Variants in GOLGA8A observed in about 807,000 individuals in gnomAD.
GOLGA8A encodes the protein golgin subfamily A member 8A.
GOLGA8A carries 3 observed loss-of-function variants against 22.1 expected under a neutral mutation model. The observed-to-expected ratio is 0.14, with a 90% confidence interval of 0.06 to 0.35. The LOEUF is 0.35. Among genes scored for constraint, GOLGA8A ranks in the 10% least tolerant of loss-of-function variants. The probability of loss-of-function intolerance (pLI) is 1.00; values close to 1 mark genes in which losing one functional copy is unlikely to be tolerated. For synonymous variants in GOLGA8A, 7 were observed against 91.7 expected (o/e 0.08, Z 5.28); for missense variants, 16 against 233.2 (o/e 0.07, Z 6.07).
intron 2 of GOLGA8A, among the ~76,000 whole-genome samples, chr15:34,432,059 C>T (rs149881622): frequency 0.039 from 5,839 of 149,182 alleles, 570 homozygotes; most frequent in Non-Finnish European, 0.058. Context: ...CACGACCAAA[C>T]GTCTCTCTGC....
At chr15:34,431,232 A>C (rs2140290290) in intron 2 of GOLGA8A, among the ~76,000 whole-genome samples, 1 of 144,610 alleles carries the variant, frequency 6.9e-6, no homozygotes, top group Non-Finnish European at 1.5e-5. Context: ...ATTCATATTT[A>C]GAGCTGCCTT....
Position 34,436,706 on chromosome 15 carries a change from C to T in GOLGA8A, c.-1212+692G>A, listed in dbSNP as rs1470284485. 2.0e-5 allele frequency among the ~76,000 whole-genome samples: 3 copies of T among 149,492 alleles called. 1 individual carries two copies. Among genetic ancestry groups the T allele is most frequent in the Non-Finnish European group, 3.0e-5 (2 of 67,178 alleles). ...GGAGCCCTGCTTGGGGACCGGGGGC[C>T]TCGATGTTCTCCTTCACCATCTGCG... On this transcript the variant is annotated intron_variant, in intron 1 of 24. Coordinates refer to ENST00000359187, the MANE Select transcript of GOLGA8A (RefSeq NM_181077.5).
At chr15:34,430,517 G>T (rs1470546194) in intron 2 of GOLGA8A, among the ~76,000 whole-genome samples, 1 of 149,054 alleles carries the variant, frequency 6.7e-6, no homozygotes, top group African/African-American at 2.5e-5. Flanking sequence ...GAATCTAGCA[G>T]TCAGGCCAGG....
intron 7 of GOLGA8A, among the ~76,000 whole-genome samples, 163 bp from the exon 8 acceptor site, chr15:34,398,892 AAAC>A (rs1297773135): frequency 1.6e-5 from 2 of 124,076 alleles, no homozygotes; most frequent in Non-Finnish European, 3.7e-5. Context: ...ATCTCACCAA[AAAC>A]AACAAACGGA....
chr15:34,398,444 C>CG (rs1891945505), intron 8 of GOLGA8A, among the ~76,000 whole-genome samples, 190 bp downstream of exon 8: 2 of 127,982 alleles, frequency 1.6e-5, no homozygotes, highest in African/African-American at 3.3e-5. Context: ...GGCACAGAGG[C>CG]GGGAAAAAAG....
rs564826703 is a variant in GOLGA8A, at chr15:34,422,698, C to T, written c.-1123+12685G>A. On this transcript the variant is annotated intron_variant, in intron 2 of 24. Coordinates refer to ENST00000359187, the MANE Select transcript of GOLGA8A (RefSeq NM_181077.5). ...CCTGCTACTTGGCCTTGTGTACGCTCGCGCTCGTGCGCTTGTGCGCTCTCT... is the reference window on the plus strand; with the variant it reads ...CCTGCTACTTGGCCTTGTGTACGCTTGCGCTCGTGCGCTTGTGCGCTCTCT... 5.8e-4 allele frequency among the ~76,000 whole-genome samples: 51 copies of T among 87,738 alleles called. 9 individuals are homozygous for T. The East Asian group carries it at 0.014, about 24-fold the overall frequency. 57.6% of individuals were successfully genotyped at this position (87,738 alleles called of 152,430 possible). A position where few individuals can be genotyped will look rare whatever the true frequency, so the allele number is the denominator to read the frequency against.
Position 34,386,560 on chromosome 15 carries a change from C to T in GOLGA8A, c.285+65G>A. 3 of 1,381,710 alleles carry T rather than the reference C, an allele frequency of 2.2e-6. 1 individual carries two copies. Among genetic ancestry groups the T allele is most frequent in the South Asian group, 2.5e-5 (2 of 79,154 alleles). 85.6% of individuals were successfully genotyped at this position (1,381,710 alleles called of 1,614,324 possible). On this transcript the variant is annotated intron_variant, in intron 12 of 24. Transcript: ENST00000359187. ...GGGCCCCCAGCCCCCTTCTTCAGGG[C>T]CCCAAGAGGAAACCGGAGCCCAGGA...
At chr15:34,409,453 AGTGCTGTGGGAGAACGTGGTTGGAG>A (rs1262631763) in intron 2 of GOLGA8A, among the ~76,000 whole-genome samples, 11 of 139,674 alleles carry the variant, frequency 7.9e-5, no homozygotes, top group Non-Finnish European at 1.5e-4. Flanking sequence ...CATTTTTCAC[AGTGCTGTGGGAGAACGTGGTTGGAG>A]GTGCTGTGGC....
chr15:34,431,629 T>C (rs1279942487), intron 2 of GOLGA8A, among the ~76,000 whole-genome samples: 2 of 147,954 alleles, frequency 1.4e-5, no homozygotes, highest in African/African-American at 5.0e-5. Context: ...CGTTAAAATA[T>C]GCTATAAAAG....
intron 12 of GOLGA8A, among the ~76,000 whole-genome samples, chr15:34,386,104 G>C (rs1372973119): frequency 6.8e-6 from 1 of 147,502 alleles, no homozygotes; most frequent in Non-Finnish European, 1.5e-5. Context: ...CATTTACTGA[G>C]CACGTACGGG....
At chr15:34,428,126 C>T (rs1893064253) in intron 2 of GOLGA8A, among the ~76,000 whole-genome samples, 1 of 144,958 alleles carries the variant, frequency 6.9e-6, no homozygotes, top group Non-Finnish European at 1.5e-5. Flanking sequence ...GAGAAGTTCT[C>T]ACTCTGTCAC....
intron 2 of GOLGA8A, among the ~76,000 whole-genome samples, chr15:34,431,863 A>T (rs1369055736): frequency 1.3e-5 from 2 of 149,038 alleles, no homozygotes; most frequent in East Asian, 2.0e-4. Flanking sequence ...AGGCAATAGG[A>T]ATTTTTGAGC....
intron 2 of GOLGA8A, among the ~76,000 whole-genome samples, chr15:34,431,383 ATATATATG>A (rs1257610477): frequency 7.1e-5 from 10 of 141,058 alleles, no homozygotes; most frequent in Non-Finnish European, 1.5e-4. Context: ...AACGACAGGC[ATATATATG>A]TATATATATA....
intron 2 of GOLGA8A, among the ~76,000 whole-genome samples, chr15:34,425,253 T>A (rs1366235031): frequency 2.0e-5 from 3 of 147,590 alleles, no homozygotes; most frequent in Non-Finnish European, 4.5e-5. Flanking sequence ...GGCACAACAA[T>A]AAAGCAGTAA....
intron 1 of GOLGA8A, 139 bp downstream of exon 1, chr15:34,437,259 G>A (rs1184377057): frequency 6.8e-6 from 1 of 146,048 alleles, no homozygotes; most frequent in African/African-American, 2.5e-5. Context: ...CAGCCCCGCC[G>A]AGTCCGGGGG....
intron 8 of GOLGA8A, among the ~76,000 whole-genome samples, chr15:34,393,458 AT>A (rs1411888572): frequency 8.0e-6 from 1 of 125,648 alleles, no homozygotes; most frequent in African/African-American, 2.9e-5. Context: ...TCTGTCCAGG[AT>A]TTTTCTCTGA....
Position 34,436,178 on chromosome 15 carries a change from G to T in GOLGA8A, c.-1211-707C>A, listed in dbSNP as rs75766953. On this transcript the variant is annotated intron_variant, in intron 1 of 24. Coordinates refer to ENST00000359187, the MANE Select transcript of GOLGA8A (RefSeq NM_181077.5). ...CCCAGAGGCCTGAGAAAAAGCCACC[G>T]GCAGGCTCCTGGCACCTGCCAACCT... 4.4e-3 allele frequency among the ~76,000 whole-genome samples: 652 copies of T among 149,418 alleles called. 52 individuals are homozygous for T. Among genetic ancestry groups the T allele is most frequent in the African/African-American group, 0.014 (575 of 40,562 alleles).
At chr15:34,417,641 T>C (rs1251276185) in intron 2 of GOLGA8A, 3 of 145,786 alleles carry the variant, frequency 2.1e-5, no homozygotes, top group Non-Finnish European at 4.5e-5. Context: ...ATGCATACGG[T>C]AGTGTTTTAT....
intron 2 of GOLGA8A, among the ~76,000 whole-genome samples, chr15:34,434,924 G>A (rs1316273211): frequency 2.7e-5 from 4 of 149,472 alleles, no homozygotes; most frequent in South Asian, 4.3e-4. Flanking sequence ...AGCTCTCTCC[G>A]TTTCTCTAAG....
Sources: allele counts gnomAD v4.1 joint callset (sites outside exome capture counted in the v4.1 genomes callset), GRCh38; gene constraint gnomAD v4.1.1; transcripts MANE v1.5; gene names NCBI Gene and HGNC (gene_info 2026-07-23, HGNC 2026-07-21).